Variants in PARM1 observed in about 807,000 individuals in gnomAD.
The protein encoded by PARM1 is WSC4, cell wall integrity and stress response component 4 homolog.
A neutral mutation model predicts 24.6 loss-of-function variants in PARM1; 14 were observed. That is an observed-to-expected ratio of 0.57 (90% CI 0.38 to 0.89). The LOEUF (loss-of-function observed/expected upper bound fraction) is 0.89. Ranked by LOEUF, PARM1 falls within the 40% of genes least tolerant of loss-of-function variation. The pLI, the probability that PARM1 is intolerant of heterozygous loss-of-function variation, is 0.00. For missense variants in PARM1, 362 were observed against 380.4 expected, an observed-to-expected ratio of 0.95 and a Z score of 0.40; for synonymous variants, 179 against 156.6, an observed-to-expected ratio of 1.14 and a Z score of -1.07.
chr4:74,961,542 G>C (rs1721774321), intron 1 of PARM1, among the ~76,000 whole-genome samples: 2 of 152,164 alleles, frequency 1.3e-5, no homozygotes, highest in South Asian at 4.1e-4. Flanking sequence ...AAGACAAAGA[G>C]AGAATCTTGA....
intron 3 of PARM1, among the ~76,000 whole-genome samples, chr4:75,037,135 A>C (rs1367956706): frequency 2.6e-5 from 4 of 152,216 alleles, no homozygotes; most frequent in South Asian, 2.1e-4. Context: ...GTGTGTGTGC[A>C]TGTATGTTCC....
At chr4:74,990,916 T>C (rs1283149607) in intron 1 of PARM1, among the ~76,000 whole-genome samples, 1 of 152,058 alleles carries the variant, frequency 6.6e-6, no homozygotes, top group African/African-American at 2.4e-5. Context: ...ATTTATGGAA[T>C]GGTAAGAGGA....
intron 1 of PARM1, among the ~76,000 whole-genome samples, chr4:75,000,591 A>G (rs1722659901): frequency 2.0e-5 from 3 of 152,130 alleles, no homozygotes; most frequent in Admixed American, 2.0e-4. Flanking sequence ...TTTCTTATAT[A>G]TTGCTTTTAT....
At position 75,012,633 on chromosome 4, in the gene PARM1, G is replaced by A; in HGVS notation, c.252G>A (p.Glu84=). The A allele has an allele frequency of 6.2e-7, 1 of 1,613,970 alleles. No individual in the cohort carries two copies. The highest frequency in any genetic ancestry group is 1.1e-5 in the South Asian group (1 of 91,072). ...TGCTTCCTAAGAACATTTCCATAGA[G>A]TCCAGAGAAGAGGAGATCACCAGCC... The part of the protein sequence containing the change: ...TSLLPKNISI[E]SREEEITSPG... Residue 84 remains glutamate (E), a synonymous_variant, in exon 2 of 4, where the codon GAG becomes GAA. Transcript: ENST00000307428.
At chr4:75,006,651 C>T (rs1378795891) in intron 1 of PARM1, among the ~76,000 whole-genome samples, 8 of 152,158 alleles carry the variant, frequency 5.3e-5, no homozygotes, top group Non-Finnish European at 1.0e-4. Flanking sequence ...CCTTTGGGTA[C>T]ATACCCAGTA....
At chr4:74,991,890 C>A (rs1420020320) in intron 1 of PARM1, among the ~76,000 whole-genome samples, 1 of 152,130 alleles carries the variant, frequency 6.6e-6, no homozygotes, top group Non-Finnish European at 1.5e-5. Context: ...AAAAAACAAT[C>A]CCAGGAACTA....
chr4:74,980,820 A>G (rs143539719), intron 1 of PARM1, among the ~76,000 whole-genome samples: 1,634 of 152,306 alleles, frequency 0.011, 39 homozygotes, highest in African/African-American at 0.038. Flanking sequence ...AAGACCACAC[A>G]TCTACAACCA....
At chr4:75,018,875 G>A (rs1381294215) in intron 2 of PARM1, among the ~76,000 whole-genome samples, 1 of 152,196 alleles carries the variant, frequency 6.6e-6, no homozygotes, top group Non-Finnish European at 1.5e-5. Context: ...CAGACCCAAA[G>A]CCAAGTGTTC....
At chr4:75,043,317 A>T (rs989230589) in intron 3 of PARM1, among the ~76,000 whole-genome samples, 2 of 152,216 alleles carry the variant, frequency 1.3e-5, no homozygotes, top group Non-Finnish European at 2.9e-5. Flanking sequence ...TTAAAAATTT[A>T]AAAACAATAT....
chr4:74,942,522 C>A (rs900480972), intron 1 of PARM1, among the ~76,000 whole-genome samples: 3 of 152,252 alleles, frequency 2.0e-5, no homozygotes. Flanking sequence ...AAAGCCTTCT[C>A]CATATCAATG....
chr4:74,990,275 G>T (rs1348284561), intron 1 of PARM1, among the ~76,000 whole-genome samples: 2 of 152,142 alleles, frequency 1.3e-5, no homozygotes, highest in Admixed American at 1.3e-4. Flanking sequence ...ATTGCACAGG[G>T]TTATTAATTC....
At chr4:74,976,077 G>T (rs1021953002) in intron 1 of PARM1, among the ~76,000 whole-genome samples, 6 of 152,136 alleles carry the variant, frequency 3.9e-5, no homozygotes, top group African/African-American at 9.7e-5. Context: ...TTTTTCTGTG[G>T]ATCAGGAGAT....
chr4:75,025,668 A>T (rs1283693325), intron 2 of PARM1, among the ~76,000 whole-genome samples: 1 of 152,120 alleles, frequency 6.6e-6, no homozygotes, highest in Non-Finnish European at 1.5e-5. Flanking sequence ...TGAGAGAGAA[A>T]TGAAGGAAGA....
intron 1 of PARM1, among the ~76,000 whole-genome samples, chr4:74,976,315 C>T (rs1722137981): frequency 6.6e-6 from 1 of 152,212 alleles, no homozygotes; most frequent in African/African-American, 2.4e-5. Flanking sequence ...TCCCACAGTG[C>T]AGTACAGCAG....
At chr4:74,954,835 C>G (rs78248341) in intron 1 of PARM1, among the ~76,000 whole-genome samples, 1 of 152,132 alleles carries the variant, frequency 6.6e-6, no homozygotes, top group Non-Finnish European at 1.5e-5. Context: ...ATGCATTTTT[C>G]TTAGCATCAG....
chr4:74,973,237 T>C (rs1487732287), intron 1 of PARM1, among the ~76,000 whole-genome samples: 1 of 152,186 alleles, frequency 6.6e-6, no homozygotes, highest in Non-Finnish European at 1.5e-5. Context: ...ATTTTCACAG[T>C]GGTACACATT....
intron 2 of PARM1, among the ~76,000 whole-genome samples, chr4:75,019,755 G>A (rs1250175107): frequency 6.6e-6 from 1 of 151,974 alleles, no homozygotes; most frequent in Non-Finnish European, 1.5e-5. Context: ...TGTAATCCCA[G>A]CACTTTGGGA....
intron 2 of PARM1, among the ~76,000 whole-genome samples, chr4:75,013,757 G>A (rs1267859048): frequency 1.3e-5 from 2 of 152,176 alleles, no homozygotes; most frequent in African/African-American, 4.8e-5. Flanking sequence ...TATTTCAAGG[G>A]AAAGACAATA....
At chr4:75,007,850 A>G (rs898307901) in intron 1 of PARM1, among the ~76,000 whole-genome samples, 1 of 152,230 alleles carries the variant, frequency 6.6e-6, no homozygotes, top group African/African-American at 2.4e-5. Context: ...CTCGCATGCC[A>G]TGTGAGGAAA....
Sources: gnomAD v4.1 joint callset for allele counts (sites outside exome capture counted in the v4.1 genomes callset) on GRCh38, gnomAD v4.1.1 for gene constraint, MANE v1.5 for transcripts, NCBI Gene and HGNC (gene_info 2026-07-23, HGNC 2026-07-21) for gene names.